The following HDGFL3 variants were observed in gnomAD, a reference collection of about 807,000 sequenced individuals.
HDGFL3 encodes the protein hepatoma-derived growth factor-related protein 3.
HDGFL3 carries 6 observed loss-of-function variants against 27.6 expected under a neutral mutation model. That is an observed-to-expected ratio of 0.22 (90% confidence interval 0.12 to 0.43). The LOEUF is 0.43. Ranked by LOEUF, HDGFL3 falls within the 20% of genes least tolerant of loss-of-function variation. The pLI is 1.00. For missense variants in HDGFL3, 207 were observed against 250.1 expected, an observed-to-expected ratio of 0.83 and a Z score of 1.16; for synonymous variants, 88 against 88.9, an observed-to-expected ratio of 0.99 and a Z score of 0.05.
intron 4 of HDGFL3, among the ~76,000 whole-genome samples, chr15:83,156,446 A>G (rs2037030493): frequency 6.6e-6 from 1 of 152,198 alleles, no homozygotes; most frequent in African/African-American, 2.4e-5. Context: ...ACCGCTGTAT[A>G]CCTAGTCTGG....
At chr15:83,186,716 A>G (rs1318392930) in intron 1 of HDGFL3, among the ~76,000 whole-genome samples, 1 of 151,966 alleles carries the variant, frequency 6.6e-6, no homozygotes, top group Non-Finnish European at 1.5e-5. Context: ...TATAATGGAC[A>G]CTGGAGATTC....
At chr15:83,180,143 G>A in intron 1 of HDGFL3, among the ~76,000 whole-genome samples, 1 of 152,076 alleles carries the variant, frequency 6.6e-6, no homozygotes, top group South Asian at 2.1e-4. Flanking sequence ...AGACCAAAGT[G>A]TCCTGATTGA....
chr15:83,156,507 C>T (rs964067757), intron 4 of HDGFL3, among the ~76,000 whole-genome samples: 7 of 152,182 alleles, frequency 4.6e-5, no homozygotes, highest in Admixed American at 1.3e-4. Flanking sequence ...AATAAATAAA[C>T]AGCCAAAGCA....
intron 1 of HDGFL3, among the ~76,000 whole-genome samples, chr15:83,202,335 A>G (rs1567179260): frequency 6.6e-6 from 1 of 152,172 alleles, no homozygotes; most frequent in Non-Finnish European, 1.5e-5. Context: ...TATGCTTTAC[A>G]AAGTGAGAGG....
intron 2 of HDGFL3, chr15:83,163,746 A>G: frequency 6.6e-6 from 3 of 452,666 alleles, no homozygotes. Flanking sequence ...AGTGTCCTAG[A>G]GGAGACTTGT....
chr15:83,172,193 TATAA>T (rs1328868057), intron 1 of HDGFL3, among the ~76,000 whole-genome samples: 3 of 152,192 alleles, frequency 2.0e-5, no homozygotes, highest in South Asian at 2.1e-4. Flanking sequence ...TTTCGATGCT[TATAA>T]ATAAAGGGGG....
At chr15:83,183,511 T>C (rs1215289308) in intron 1 of HDGFL3, among the ~76,000 whole-genome samples, 1 of 152,016 alleles carries the variant, frequency 6.6e-6, no homozygotes, top group Non-Finnish European at 1.5e-5. Flanking sequence ...CTGTAATCCC[T>C]GCACTTCGGG....
intron 2 of HDGFL3, among the ~76,000 whole-genome samples, chr15:83,158,597 T>C (rs904057540): frequency 3.3e-5 from 5 of 152,204 alleles, no homozygotes; most frequent in Non-Finnish European, 7.3e-5. Flanking sequence ...GAACAGGTGA[T>C]AAAATCTCAC....
chr15:83,178,705 T>G (rs2037344288), intron 1 of HDGFL3, among the ~76,000 whole-genome samples: 3 of 152,150 alleles, frequency 2.0e-5, no homozygotes. Flanking sequence ...AGAGCTAAGT[T>G]TCTTTTAGAA....
At chr15:83,154,107 G>C (rs887512351) in intron 4 of HDGFL3, among the ~76,000 whole-genome samples, 1 of 151,620 alleles carries the variant, frequency 6.6e-6, no homozygotes, top group Non-Finnish European at 1.5e-5. Context: ...TTGAGCTCAG[G>C]AGTTTGAGAC....
Position 83,136,829 on chromosome 15 carries a change from AT to A in HDGFL3, c.*2440del, listed in dbSNP as rs1272156181. ...GTGTGAGCTATATGGTATTGTGTAA[AT>A]TTTTTTTGAAGGAAAATGGAAATTC... On this transcript the variant is annotated 3_prime_UTR_variant, in exon 6 of 6. Coordinates refer to ENST00000299633, the MANE Select transcript of HDGFL3 (RefSeq NM_016073.4). The A allele has an allele frequency of 8.5e-5, 42 of 494,122 alleles. No individual in the cohort carries two copies. Among genetic ancestry groups the A allele is most frequent in the Admixed American group, 1.3e-4 (3 of 23,876 alleles). The allele number at this position is 494,122 out of a possible 1,614,324, so 30.6% of individuals were successfully genotyped here.
chr15:83,181,133 A>T (rs2151416157), intron 1 of HDGFL3: 1 of 152,246 alleles, frequency 6.6e-6, no homozygotes, highest in East Asian at 1.9e-4. Flanking sequence ...CCCTAAAAAC[A>T]TTGTCATTTT....
At chr15:83,124,161 A>ATAT (rs2035520035), downstream of HDGFL3, among the ~76,000 whole-genome samples, 1 of 152,218 alleles carries the variant, frequency 6.6e-6, no homozygotes, top group Non-Finnish European at 1.5e-5. Context: ...CATGTGGGAA[A>ATAT]GTGCTTATAA....
At chr15:83,205,320 ACTT>A (rs530127986) in intron 1 of HDGFL3, among the ~76,000 whole-genome samples, 38 of 152,298 alleles carry the variant, frequency 2.5e-4, no homozygotes, top group African/African-American at 8.7e-4. Context: ...AGAAAATAAA[ACTT>A]CTTTTTTTGA....
chr15:83,194,975 T>C (rs963847753), intron 1 of HDGFL3, among the ~76,000 whole-genome samples: 1 of 152,188 alleles, frequency 6.6e-6, no homozygotes, highest in Non-Finnish European at 1.5e-5. Flanking sequence ...AAAGGAGGGC[T>C]CACTCAGGAT....
At chr15:83,200,419 CAG>C (rs2151422864) in intron 1 of HDGFL3, among the ~76,000 whole-genome samples, 1 of 152,250 alleles carries the variant, frequency 6.6e-6, no homozygotes, top group East Asian at 1.9e-4. Flanking sequence ...CCCAAATTCC[CAG>C]AGTCTAGAGC....
chr15:83,189,150 T>G (rs564168922), intron 1 of HDGFL3, among the ~76,000 whole-genome samples: 2 of 152,250 alleles, frequency 1.3e-5, no homozygotes, highest in South Asian at 4.2e-4. Flanking sequence ...CAAACTTCTA[T>G]GAAAGCCTAC....
At chr15:83,198,054 C>CAAAAAA (rs766372255) in intron 1 of HDGFL3, among the ~76,000 whole-genome samples, 894 of 57,526 alleles carry the variant, frequency 0.016, 123 homozygotes, top group African/African-American at 0.063. Context: ...GACTCCGTCT[C>CAAAAAA]AAAAAAAAAA....
rs1401114797 is a variant in HDGFL3, at chr15:83,132,506, T to C, written c.*6764A>G. Reference sequence around the variant, plus strand: ...CATGTCTTTTTCTCACAAAGAGATATGGAAACTTACGTGTGAATAATTTGG... The same window carrying C: ...CATGTCTTTTTCTCACAAAGAGATACGGAAACTTACGTGTGAATAATTTGG... On this transcript the variant is annotated 3_prime_UTR_variant, in exon 6 of 6. Transcript: ENST00000299633. 2.0e-5 allele frequency: 3 copies of C among 152,144 alleles called. No individual in the cohort carries two copies. 9.4% of individuals were successfully genotyped at this position (152,144 alleles called of 1,614,324 possible).
Sources: allele counts gnomAD v4.1 joint callset (sites outside exome capture counted in the v4.1 genomes callset), GRCh38; gene constraint gnomAD v4.1.1; transcripts MANE v1.5; gene names NCBI Gene and HGNC (gene_info 2026-07-23, HGNC 2026-07-21).